The following FAF1 variants were observed in gnomAD, a reference collection of about 807,000 sequenced individuals.
FAF1 encodes Fas associated factor 1, also known as FAS-associated factor 1.
In FAF1, 25 loss-of-function variants were observed where a neutral mutation model predicts 92.5. The observed-to-expected ratio is 0.27, with a 90% CI of 0.20 to 0.38. The LOEUF (loss-of-function observed/expected upper bound fraction) is 0.38. Ranked by LOEUF, FAF1 falls within the 10% of genes least tolerant of loss-of-function variation. The pLI is 1.00. For synonymous variants in FAF1, 234 were observed against 273.2 expected, an observed-to-expected ratio of 0.86 and a Z score of 1.42; for missense variants, 636 against 793.3, an observed-to-expected ratio of 0.80 and a Z score of 2.38.
intron 15 of FAF1, among the ~76,000 whole-genome samples, chr1:50,527,811 G>GTCTCTCTCTCTCTCTCTCTCTCTC (rs9326017): frequency 2.7e-5 from 2 of 75,316 alleles, no homozygotes; most frequent in Non-Finnish European, 2.4e-5. Flanking sequence ...TTACTCTGCT[G>GTCTCTCTCTCTCTCTCTCTCTCTC]TCTCTCTCTC....
intron 1 of FAF1, among the ~76,000 whole-genome samples, chr1:50,935,574 A>C (rs1225368299): frequency 6.6e-6 from 1 of 151,464 alleles, no homozygotes; most frequent in East Asian, 1.9e-4. Flanking sequence ...AGGTTCAAGC[A>C]ATTCTCATGC....
intron 7 of FAF1, among the ~76,000 whole-genome samples, chr1:50,685,732 T>C (rs183752578): frequency 6.6e-6 from 1 of 152,276 alleles, no homozygotes; most frequent in East Asian, 1.9e-4. Flanking sequence ...TGAACTAAGG[T>C]TGGAGAAATG....
chr1:50,560,552 C>T (rs1272909064), intron 13 of FAF1, among the ~76,000 whole-genome samples: 1 of 152,224 alleles, frequency 6.6e-6, no homozygotes, highest in Non-Finnish European at 1.5e-5. Flanking sequence ...TTTACAGCTA[C>T]TATGAACACT....
intron 1 of FAF1, among the ~76,000 whole-genome samples, chr1:50,873,890 G>A (rs935147793): frequency 1.3e-5 from 2 of 152,076 alleles, no homozygotes; most frequent in South Asian, 2.1e-4. Context: ...CTTGGGTCTC[G>A]CATACCCTGC....
chr1:50,777,084 C>A (rs938324144), intron 4 of FAF1, among the ~76,000 whole-genome samples: 3 of 151,572 alleles, frequency 2.0e-5, no homozygotes, highest in Admixed American at 1.3e-4. Context: ...CATAGTGAGA[C>A]CCCATCTACA....
intron 2 of FAF1, among the ~76,000 whole-genome samples, chr1:50,835,673 G>C (rs1055343273): frequency 1.3e-5 from 2 of 151,462 alleles, no homozygotes; most frequent in Admixed American, 6.6e-5. Flanking sequence ...AAACACGGTA[G>C]CTGCTGAAAG....
intron 2 of FAF1, among the ~76,000 whole-genome samples, chr1:50,854,942 A>T (rs1644379254): frequency 6.6e-6 from 1 of 151,806 alleles, no homozygotes; most frequent in South Asian, 2.1e-4. Flanking sequence ...TTTGAAAGGA[A>T]ATGCTCGATG....
At chr1:50,444,579 T>C (rs1021420443) in intron 18 of FAF1, among the ~76,000 whole-genome samples, 23 of 152,352 alleles carry the variant, frequency 1.5e-4, no homozygotes, top group African/African-American at 4.8e-4. Flanking sequence ...ACGTGGCTAC[T>C]ACTGCTTCTC....
In FAF1 at chr1:50,848,836, C is replaced by T. The variant is rs190594544; in HGVS notation, c.114+9093G>A. ...ACAAGGAATGGCTGAAGAATCAGCA[C>T]AAGTTGGGAGAGGCTACAGAGACGT... On this transcript the variant is annotated intron_variant, in intron 2 of 18. Coordinates refer to ENST00000396153, the MANE Select transcript of FAF1 (RefSeq NM_007051.3). 9.5e-4 allele frequency among the ~76,000 whole-genome samples: 144 copies of T among 152,244 alleles called. 1 individual carries two copies. The highest frequency in any genetic ancestry group is 9.3e-3 in the Admixed American group (143 of 15,302).
chr1:50,442,768 C>G (rs1220452347), intron 18 of FAF1, among the ~76,000 whole-genome samples: 1 of 152,164 alleles, frequency 6.6e-6, no homozygotes, highest in Non-Finnish European at 1.5e-5. Flanking sequence ...GTATCAAAGG[C>G]AGGCTGGCAA....
chr1:50,857,977 G>A lies in FAF1; in HGVS notation c.66C>T (p.Asn22=), dbSNP rs1570060662. ...ADFQACTGIE[N]IDEAITLLEQ... is the part of the protein sequence containing the mutation. Reference sequence around the variant, plus strand: ...CAAGCAATGTAATAGCTTCGTCAATGTTTTCAATGCCAGTACATGCCTGGA... The same window carrying A: ...CAAGCAATGTAATAGCTTCGTCAATATTTTCAATGCCAGTACATGCCTGGA... Residue 22 remains asparagine (N), a synonymous_variant, in exon 2 of 19, where the codon AAC becomes AAT. Transcript: ENST00000396153. The A allele has an allele frequency of 1.2e-6, 2 of 1,601,154 alleles. No individual in the cohort carries two copies. Among genetic ancestry groups the A allele is most frequent in the East Asian group, 2.3e-5 (1 of 44,168 alleles).
intron 1 of FAF1, among the ~76,000 whole-genome samples, chr1:50,902,563 C>G (rs1644804217): frequency 6.6e-6 from 1 of 152,166 alleles, no homozygotes; most frequent in Admixed American, 6.5e-5. Flanking sequence ...AAACTCACCT[C>G]CCTTTATTCA....
intron 7 of FAF1, among the ~76,000 whole-genome samples, chr1:50,689,882 C>A (rs995725472): frequency 2.7e-4 from 41 of 151,830 alleles, no homozygotes; most frequent in Admixed American, 5.9e-4. Context: ...ACAACAAAAA[C>A]AAATTTGTAC....
intron 9 of FAF1, among the ~76,000 whole-genome samples, chr1:50,585,133 G>A (rs1358469353): frequency 6.6e-6 from 1 of 152,148 alleles, no homozygotes; most frequent in Non-Finnish European, 1.5e-5. Context: ...GGTACAACTG[G>A]AGAAGTCAGA....
In FAF1 at chr1:50,829,950, A is replaced by G. The variant is rs1351558928; in HGVS notation, c.114+27979T>C. 2.0e-5 allele frequency among the ~76,000 whole-genome samples: 3 copies of G among 152,248 alleles called. No homozygotes were observed. The East Asian group carries it at 5.8e-4, about 29-fold the overall frequency. ...GTTTGGTAATTAGAATCTGGCATGC[A>G]GGTACCACCTAAACCTTGTTGTCTT... On this transcript the variant is annotated intron_variant, in intron 2 of 18. Transcript: ENST00000396153.
chr1:50,958,468 G>A (rs961653966), intron 1 of FAF1, among the ~76,000 whole-genome samples: 3 of 152,076 alleles, frequency 2.0e-5, no homozygotes, highest in Admixed American at 6.5e-5. Context: ...ACGAGGTCAG[G>A]AGATCAAGAC....
At chr1:50,657,439 G>C (rs1216905368) in intron 7 of FAF1, among the ~76,000 whole-genome samples, 1 of 152,044 alleles carries the variant, frequency 6.6e-6, no homozygotes, top group Non-Finnish European at 1.5e-5. Flanking sequence ...TCTCATGCCT[G>C]TAATCCCAAC....
chr1:50,679,515 C>A (rs978644983), intron 7 of FAF1, among the ~76,000 whole-genome samples: 1 of 150,812 alleles, frequency 6.6e-6, no homozygotes, highest in Admixed American at 6.6e-5. Context: ...AGACATTTAA[C>A]AGACAATAAA....
intron 1 of FAF1, among the ~76,000 whole-genome samples, chr1:50,907,083 G>A (rs899046849): frequency 6.6e-6 from 1 of 152,160 alleles, no homozygotes; most frequent in African/African-American, 2.4e-5. Flanking sequence ...AGAGTTTTTA[G>A]CATGAAGGGC....
Sources: allele counts gnomAD v4.1 joint callset (sites outside exome capture counted in the v4.1 genomes callset), GRCh38; gene constraint gnomAD v4.1.1; transcripts MANE v1.5; gene names NCBI Gene and HGNC (gene_info 2026-07-23, HGNC 2026-07-21).